The following HECTD4 variants were observed in gnomAD, a reference collection of about 807,000 sequenced individuals.
The protein encoded by HECTD4 is HECT domain E3 ubiquitin protein ligase 4, also known as probable E3 ubiquitin-protein ligase HECTD4.
HECTD4 carries 114 observed loss-of-function variants against 471.5 expected under a neutral mutation model. The observed-to-expected ratio is 0.24, with a 90% CI of 0.21 to 0.28. The LOEUF (loss-of-function observed/expected upper bound fraction) is 0.28. Among genes scored for constraint, HECTD4 ranks in the 10% least tolerant of loss-of-function variants. HECTD4 has a pLI of 1.00. For synonymous variants in HECTD4, 2,012 were observed against 2,256.0 expected, an observed-to-expected ratio of 0.89 and a Z score of 3.07; for missense variants, 3,866 against 5,651.5, an observed-to-expected ratio of 0.68 and a Z score of 10.13.
At chr12:112,299,100 T>C (rs534653008) in intron 7 of HECTD4, among the ~76,000 whole-genome samples, 15 of 152,216 alleles carry the variant, frequency 9.9e-5, no homozygotes, top group Admixed American at 2.6e-4. Flanking sequence ...TTCAAACATA[T>C]GCAAAAAAGA....
Position 112,229,894 on chromosome 12 carries a change from C to T in HECTD4, c.6337-14G>A. The T allele has an allele frequency of 1.9e-6, 3 of 1,604,196 alleles. No individual in the cohort carries two copies. The highest frequency in any genetic ancestry group is 2.6e-6 in the Non-Finnish European group (3 of 1,174,420). On this transcript the variant is annotated splice_polypyrimidine_tract_variant and intron_variant, in intron 40 of 75. Coordinates refer to ENST00000682272, the MANE Select transcript of HECTD4 (RefSeq NM_001388303.1). The stretch of plus-strand genomic sequence containing the variant: ...TCTAGACAGAACCTAAATATAGAAG[C>T]AGCCCGTGCACTAGGAGTTAAAGCT...
At chr12:112,278,590 T>C (rs79649881) in intron 9 of HECTD4, among the ~76,000 whole-genome samples, 156 of 152,372 alleles carry the variant, frequency 1.0e-3, no homozygotes, top group African/African-American at 3.5e-3. Context: ...ATATGTATTT[T>C]AATAGCTTTG....
At chr12:112,192,825 C>A in intron 58 of HECTD4, 60 bp from the exon 59 acceptor site, 5 of 1,406,920 alleles carry the variant, frequency 3.6e-6, no homozygotes, top group South Asian at 1.3e-5. Context: ...TGGGGACAGG[C>A]AGCTTTGCCT....
intron 12 of HECTD4, 46 bp from the exon 13 acceptor site, chr12:112,269,895 G>A: frequency 2.0e-6 from 3 of 1,529,968 alleles, no homozygotes; most frequent in Non-Finnish European, 2.7e-6. Flanking sequence ...ATTCTACTGG[G>A]GATAAAATTA....
chr12:112,192,794 T>C (rs2032123442), intron 58 of HECTD4, 29 bp from the exon 59 acceptor site: 1 of 1,529,560 alleles, frequency 6.5e-7, no homozygotes, highest in Non-Finnish European at 8.9e-7. Flanking sequence ...TGGGTGTTAA[T>C]ACAGGGTCTA....
At position 112,239,697 on chromosome 12, in the gene HECTD4, T is replaced by C. The variant is rs1352545441; in HGVS notation, c.5105+184A>G. Reference sequence around the variant, plus strand: ...TAACCCTAATGGCTGCATTTAGTCATGTTGGAACTCAATAATAAGAAATTT... The same window carrying C: ...TAACCCTAATGGCTGCATTTAGTCACGTTGGAACTCAATAATAAGAAATTT... On this transcript the variant is annotated intron_variant, in intron 33 of 75. Coordinates refer to ENST00000682272, the MANE Select transcript of HECTD4 (RefSeq NM_001388303.1). The surrounding 1 kb of genome is among the most constrained non-coding windows in gnomAD (Gnocchi z 4.9). Among the ~76,000 whole-genome samples the C allele has an allele frequency of 1.3e-5, 2 of 152,254 alleles. No homozygotes were observed. The highest frequency in any genetic ancestry group is 1.5e-5 in the Non-Finnish European group (1 of 68,038).
intron 1 of HECTD4, among the ~76,000 whole-genome samples, chr12:112,360,437 A>G (rs553132905): frequency 6.6e-6 from 1 of 152,256 alleles, no homozygotes; most frequent in South Asian, 2.1e-4. Flanking sequence ...TTCCATTGGA[A>G]GCATCCATCA....
chr12:112,256,986 G>A (rs2034027831), intron 20 of HECTD4: 1 of 152,190 alleles, frequency 6.6e-6, no homozygotes, highest in Non-Finnish European at 1.5e-5. Flanking sequence ...AACTCCAGGA[G>A]TCTACATAGC....
intron 1 of HECTD4, among the ~76,000 whole-genome samples, chr12:112,377,299 G>A (rs2036800804): frequency 6.6e-6 from 1 of 151,518 alleles, no homozygotes; most frequent in African/African-American, 2.4e-5. Flanking sequence ...ACAAAAAAAC[G>A]GAGCCCTCTT....
intron 18 of HECTD4, among the ~76,000 whole-genome samples, chr12:112,259,712 A>G (rs2034102211): frequency 6.6e-6 from 1 of 152,048 alleles, no homozygotes; most frequent in African/African-American, 2.4e-5. Context: ...GGTGCATTTC[A>G]TAGCACCTTT....
intron 60 of HECTD4, among the ~76,000 whole-genome samples, chr12:112,186,066 G>A (rs929746246): frequency 1.3e-5 from 2 of 151,874 alleles, no homozygotes; most frequent in Non-Finnish European, 2.9e-5. Context: ...GCTCACTGTT[G>A]CTCCTAGGCT....
chr12:112,186,662 CTTT>C (rs778779883), intron 60 of HECTD4, among the ~76,000 whole-genome samples: 3 of 116,630 alleles, frequency 2.6e-5, no homozygotes, highest in African/African-American at 6.4e-5. Flanking sequence ...TTTTAAGCTG[CTTT>C]TTTTTTTTTT....
rs909884630 is a variant in HECTD4 at position 112,214,007 on chromosome 12, G to A, written c.7466-1357C>T. 2.6e-5 allele frequency among the ~76,000 whole-genome samples: 4 copies of A among 151,732 alleles called. No individual in the cohort carries two copies. In the East Asian group the frequency reaches 7.7e-4, roughly 29 times the overall value. On this transcript the variant is annotated intron_variant, in intron 48 of 75. Transcript: ENST00000682272. ...ACTGCACTCTAGCCTGGGTGACAGAGTGAGACCCAGTCTCAAAAAAAATAA... is the reference window on the plus strand; with the variant it reads ...ACTGCACTCTAGCCTGGGTGACAGAATGAGACCCAGTCTCAAAAAAAATAA...
Position 112,167,518 on chromosome 12 carries a change from C to A in HECTD4, c.12333G>T (p.Pro4111=), listed in dbSNP as rs748469786. 20 of 1,601,332 alleles carry A rather than the reference C, an allele frequency of 1.2e-5. No homozygotes were observed. Among genetic ancestry groups the A allele is most frequent in the Non-Finnish European group, 1.6e-5 (19 of 1,172,388 alleles). ...GCTCCTCCCCGTAGGTGATGGGGCT[C>A]GGGGTCAGGATATACTTGCCCTGGA... ...NKNKGKYILT[P]SPITYGEEQL... is the part of the protein sequence containing the mutation. Residue 4111 remains proline (P), a synonymous_variant, in exon 72 of 76, where the codon CCG becomes CCT. Transcript: ENST00000682272.
intron 9 of HECTD4, among the ~76,000 whole-genome samples, chr12:112,278,791 G>A (rs747629614): frequency 6.6e-6 from 1 of 152,198 alleles, no homozygotes; most frequent in Non-Finnish European, 1.5e-5. Flanking sequence ...TACTAGGGAG[G>A]CTGAGGCAGG....
chr12:112,313,044 T>C lies in HECTD4; in HGVS notation c.889A>G (p.Asn297Asp). 1.3e-6 allele frequency: 2 copies of C among 1,535,842 alleles called. No individual in the cohort carries two copies. Among genetic ancestry groups the C allele is most frequent in the East Asian group, 2.4e-5 (1 of 40,914 alleles). ...TTATTTTCAGAACTGGAGCCAGTGTTGCTATCCGGCGCAGGCAACATGTCT... is the reference window on the plus strand; with the variant it reads ...TTATTTTCAGAACTGGAGCCAGTGTCGCTATCCGGCGCAGGCAACATGTCT... ...YEDMLPAPDSNTGSSSENKDA... is the reference protein window; with the variant it reads ...YEDMLPAPDSDTGSSSENKDA... The change falls in exon 4 of 76, where the codon AAC (asparagine) becomes GAC (aspartate). Residue 297 changes from asparagine to aspartate, a missense_variant. Physicochemically the swap from Asn to Asp is conservative, Grantham distance 23. Transcript: ENST00000682272.
Position 112,309,551 on chromosome 12 carries a change from T to C in HECTD4, c.1025+10A>G, listed in dbSNP as rs779616605. 9.8e-6 allele frequency: 12 copies of C among 1,229,420 alleles called. No homozygotes were observed. The highest frequency in any genetic ancestry group is 8.0e-5 in the Admixed American group (4 of 49,898). 76.2% of individuals were successfully genotyped at this position (1,229,420 alleles called of 1,614,324 possible). ...TAGCCCAATCATTCAGGAAGTTCCATGCAACTGACCTGAGAGTACCATGTA... is the reference window on the plus strand; with the variant it reads ...TAGCCCAATCATTCAGGAAGTTCCACGCAACTGACCTGAGAGTACCATGTA... On this transcript the variant is annotated intron_variant, in intron 5 of 75. Coordinates refer to ENST00000682272, the MANE Select transcript of HECTD4 (RefSeq NM_001388303.1).
chr12:112,265,616 CTAAG>C (rs1450173984), intron 15 of HECTD4, among the ~76,000 whole-genome samples: 1 of 152,198 alleles, frequency 6.6e-6, no homozygotes, highest in African/African-American at 2.4e-5. Context: ...CCAAGATCTC[CTAAG>C]TAAGTTCCAT....
chr12:112,213,719 T>TAA lies in HECTD4; in HGVS notation c.7466-1071_7466-1070dup, dbSNP rs1555250783. On this transcript the variant is annotated intron_variant, in intron 48 of 75. Transcript: ENST00000682272. The surrounding 1 kb of genome is among the most constrained non-coding windows in gnomAD (Gnocchi z 4.0). ...ATATACATATATATATATATATATA[T>TAA]AATATATATATAAAATTTAAGGCCA... 1.0e-4 allele frequency among the ~76,000 whole-genome samples: 10 copies of TAA among 95,334 alleles called. No individual in the cohort carries two copies. Among genetic ancestry groups the TAA allele is most frequent in the Admixed American group, 3.5e-4 (3 of 8,458 alleles). The allele number at this position is 95,334 out of a possible 152,430, so 62.5% of individuals were successfully genotyped here. A position where few individuals can be genotyped will look rare whatever the true frequency, so the allele number is the denominator to read the frequency against.
Sources: gnomAD v4.1 joint callset for allele counts (sites outside exome capture counted in the v4.1 genomes callset) on GRCh38, gnomAD v4.1.1 for gene constraint, Gnocchi (gnomAD v3.1) non-coding constraint, MANE v1.5 for transcripts, NCBI Gene and HGNC (gene_info 2026-07-23, HGNC 2026-07-21) for gene names.